XIAP: variants seen among roughly 807,000 people sequenced by gnomAD.
XIAP encodes the protein E3 ubiquitin-protein ligase XIAP.
Under a neutral mutation model 33.1 loss-of-function variants are expected in XIAP, and 3 were observed. The ratio of observed to expected loss-of-function variants is 0.09; its 90% CI spans 0.04 to 0.23. The LOEUF (loss-of-function observed/expected upper bound fraction) is 0.23. Ranked by LOEUF, XIAP falls within the 10% of genes least tolerant of loss-of-function variation. The pLI is 1.00. For synonymous variants in XIAP, 98 were observed against 121.3 expected, an observed-to-expected ratio of 0.81 and a Z score of 1.26; for missense variants, 264 against 363.0, an observed-to-expected ratio of 0.73 and a Z score of 2.22.
intron 1 of XIAP, among the ~76,000 whole-genome samples, chrX:123,874,869 A>ATTTTTTTT (rs773693860): frequency 9.6e-4 from 41 of 42,751 alleles, no homozygotes; most frequent in South Asian, 1.4e-3. Flanking sequence ...TAATTCTTGT[A>ATTTTTTTT]TTTTTTTTTT....
At chrX:123,864,528 G>A (rs980278082) in intron 1 of XIAP, among the ~76,000 whole-genome samples, 4 of 95,006 alleles carry the variant, frequency 4.2e-5, no homozygotes, top group Non-Finnish European at 4.1e-5. Flanking sequence ...GTGCAGTAGC[G>A]CGATCTTGGC....
At chrX:123,882,767 T>G (rs1222093409) in intron 1 of XIAP, among the ~76,000 whole-genome samples, 1 of 112,384 alleles carries the variant, frequency 8.9e-6, no homozygotes, top group Non-Finnish European at 1.9e-5. Flanking sequence ...AATCTTCTTT[T>G]AGTTATGCAA....
chrX:123,859,738 G>C (rs996449866), upstream of XIAP: 7 of 201,185 alleles, frequency 3.5e-5, no homozygotes, highest in Non-Finnish European at 6.3e-5. Flanking sequence ...GCGCGCGCTA[G>C]GTCAGCTTCT....
At position 123,885,630 on chromosome X, in the gene XIAP, G is replaced by A. The variant is rs780181619; in HGVS notation, c.-32-1G>A. ...TTCCTAATATAATGTTCTCTTTTTA[G>A]AAAAGGTGGACAAGTCCTATTTTCA... On this transcript the variant is annotated splice_acceptor_variant, in intron 1 of 6. Transcript: ENST00000371199. LOFTEE classifies it low-confidence loss of function (5UTR_SPLICE). The A allele has an allele frequency of 2.5e-6, 3 of 1,199,817 alleles. No individual in the cohort carries two copies. Among genetic ancestry groups the A allele is most frequent in the South Asian group, 3.6e-5 (2 of 55,090 alleles).
intron 1 of XIAP, among the ~76,000 whole-genome samples, chrX:123,877,936 T>C (rs1465084210): frequency 9.4e-6 from 1 of 106,102 alleles, no homozygotes; most frequent in African/African-American, 3.5e-5. Context: ...ATCGCGCCAC[T>C]GCACTCCAGC....
chrX:123,860,426 A>C, intron 1 of XIAP, 133 bp downstream of exon 1: 3 of 276,835 alleles, frequency 1.1e-5, no homozygotes, highest in Non-Finnish European at 7.0e-6. Context: ...GCGCCAGCCC[A>C]TCAGGGGTGG....
chrX:123,904,183 C>T (rs977074713), intron 6 of XIAP, among the ~76,000 whole-genome samples: 37 of 111,026 alleles, frequency 3.3e-4, no homozygotes, highest in Non-Finnish European at 5.3e-4. Context: ...GCTATCCTCC[C>T]GCCTCTGCCT....
In XIAP at chrX:123,913,132, TG is replaced by T; in HGVS notation, c.*5952del. The stretch of plus-strand genomic sequence containing the variant: ...AGCGTCCTCAGGTCCTAGGGGGTCG[TG>T]AAACCAAAACCCCAGGGATAGCAAG... On this transcript the variant is annotated 3_prime_UTR_variant, in exon 7 of 7. Transcript: ENST00000371199. The T allele has an allele frequency of 3.0e-6, 1 of 328,473 alleles. No individual in the cohort carries two copies. The highest frequency in any genetic ancestry group is 2.6e-5 in the South Asian group (1 of 38,435). 27.1% of individuals were successfully genotyped at this position (328,473 alleles called of 1,213,427 possible).
intron 1 of XIAP, among the ~76,000 whole-genome samples, chrX:123,884,015 G>A (rs1319258613): frequency 5.4e-5 from 6 of 112,086 alleles, no homozygotes; most frequent in African/African-American, 1.9e-4. Context: ...GTTTTATGCA[G>A]ATATAACTCA....
At chrX:123,899,873 A>G (rs2053501112) in intron 5 of XIAP, among the ~76,000 whole-genome samples, 1 of 110,999 alleles carries the variant, frequency 9.0e-6, no homozygotes, top group Admixed American at 9.7e-5. Flanking sequence ...AGAGATATAC[A>G]CTCATTTTTA....
chrX:123,889,826 T>A (rs1379515598), intron 3 of XIAP, among the ~76,000 whole-genome samples: 3 of 109,899 alleles, frequency 2.7e-5, no homozygotes, highest in Non-Finnish European at 5.7e-5. Context: ...GCCTCTAGAT[T>A]ATCCAATTTT....
Position 123,911,568 on chromosome X carries a change from C to A in XIAP, c.*4387C>A, listed in dbSNP as rs1323181721. The A allele has an allele frequency of 3.2e-6, 1 of 316,428 alleles. No homozygotes were observed. The highest frequency in any genetic ancestry group is 2.9e-5 in the South Asian group (1 of 35,004). 26.1% of individuals were successfully genotyped at this position (316,428 alleles called of 1,213,427 possible). ...TGGCACATGCCCATAGTCGCAGCTA[C>A]TCTGGAGGCAGAGGCAGGAGGATCA... On this transcript the variant is annotated 3_prime_UTR_variant, in exon 7 of 7. Transcript: ENST00000371199.
chrX:123,867,061 A>C (rs1296404623), intron 1 of XIAP, among the ~76,000 whole-genome samples: 1 of 45,233 alleles, frequency 2.2e-5, no homozygotes, highest in African/African-American at 9.7e-5. Flanking sequence ...TCAACATTCT[A>C]TAGTTAACAT....
At chrX:123,861,617 T>C (rs1261418749) in intron 1 of XIAP, among the ~76,000 whole-genome samples, 1 of 112,282 alleles carries the variant, frequency 8.9e-6, no homozygotes, top group East Asian at 2.8e-4. Context: ...CATGATCTAA[T>C]GTACGGTTTG....
intron 3 of XIAP, among the ~76,000 whole-genome samples, chrX:123,890,276 A>G (rs1429147000): frequency 9.7e-6 from 1 of 103,388 alleles, no homozygotes; most frequent in Non-Finnish European, 2.0e-5. Context: ...TCGGCCTCCC[A>G]AAGTGCTGGG....
At chrX:123,897,662 A>G (rs1235683868) in intron 5 of XIAP, among the ~76,000 whole-genome samples, 1 of 111,204 alleles carries the variant, frequency 9.0e-6, no homozygotes, top group African/African-American at 3.3e-5. Flanking sequence ...TCCCGGGTTC[A>G]AGCGATTCTC....
intron 6 of XIAP, among the ~76,000 whole-genome samples, chrX:123,903,214 G>A (rs1314513080): frequency 3.8e-5 from 3 of 79,569 alleles, no homozygotes; most frequent in African/African-American, 1.5e-4. Flanking sequence ...TGGAGACGGA[G>A]TTTCACTTTT....
At chrX:123,871,663 G>GT (rs924632533) in intron 1 of XIAP, among the ~76,000 whole-genome samples, 2 of 109,181 alleles carry the variant, frequency 1.8e-5, no homozygotes, top group Non-Finnish European at 1.9e-5. Context: ...GGTTTTTTTT[G>GT]TTTTTTTGTT....
In XIAP at chrX:123,860,094, G is replaced by C; in HGVS notation, c.-232G>C. On this transcript the variant is annotated 5_prime_UTR_variant, in exon 1 of 7. Transcript: ENST00000371199. The stretch of plus-strand genomic sequence containing the variant: ...CACACTTCGGGTTTCACGACTCCGG[G>C]TTTCTCCAGGGGATGGGCCGGCCGG... The C allele has an allele frequency of 3.0e-6, 1 of 329,746 alleles. No homozygotes were observed. The highest frequency in any genetic ancestry group is 2.6e-5 in the South Asian group (1 of 38,539). The allele number at this position is 329,746 out of a possible 1,213,427, so 27.2% of individuals were successfully genotyped here.
Sources: gnomAD v4.1 joint callset for allele counts (sites outside exome capture counted in the v4.1 genomes callset) on GRCh38, gnomAD v4.1.1 for gene constraint, MANE v1.5 for transcripts, NCBI Gene and HGNC (gene_info 2026-07-23, HGNC 2026-07-21) for gene names.